Variants in GRID1 observed in about 807,000 individuals in gnomAD.
The protein encoded by GRID1 is glutamate ionotropic receptor delta type subunit 1.
Under a neutral mutation model 98.0 loss-of-function variants are expected in GRID1, and 28 were observed. The observed-to-expected ratio is 0.29, with a 90% confidence interval of 0.21 to 0.39. The LOEUF (loss-of-function observed/expected upper bound fraction) is 0.39. Among genes scored for constraint, GRID1 ranks in the 10% least tolerant of loss-of-function variants. The pLI, the probability that GRID1 is intolerant of heterozygous loss-of-function variation, is 1.00. For missense variants in GRID1, 1,111 were observed against 1,340.5 expected, an observed-to-expected ratio of 0.83 and a Z score of 2.67; for synonymous variants, 553 against 538.5, an observed-to-expected ratio of 1.03 and a Z score of -0.37.
chr10:85,692,351 A>G (rs1035598772), intron 12 of GRID1, among the ~76,000 whole-genome samples: 1 of 152,160 alleles, frequency 6.6e-6, no homozygotes, highest in Non-Finnish European at 1.5e-5. Context: ...ATTCAATTAA[A>G]TAAGTTCAGT....
Position 86,203,469 on chromosome 10 carries a change from T to A in GRID1, c.520+2895A>T, listed in dbSNP as rs1225025852. ...CCTTGGCTCACTTGACACAAGCATGTTGGAAATGGGCAGCAGCTGGGCTGG... is the reference window on the plus strand; with the variant it reads ...CCTTGGCTCACTTGACACAAGCATGATGGAAATGGGCAGCAGCTGGGCTGG... On this transcript the variant is annotated intron_variant, in intron 3 of 15. Transcript: ENST00000327946. Among the ~76,000 whole-genome samples, 3 of 149,994 alleles carry A rather than the reference T, an allele frequency of 2.0e-5. No individual in the cohort carries two copies. In the Admixed American group the frequency reaches 2.0e-4, roughly 10 times the overall value.
intron 4 of GRID1, among the ~76,000 whole-genome samples, chr10:86,077,954 G>C (rs969128298): frequency 6.6e-6 from 1 of 152,252 alleles, no homozygotes; most frequent in Admixed American, 6.5e-5. Flanking sequence ...AGGCTCACTG[G>C]GAAGGATCCT....
At chr10:86,355,699 G>C (rs1239991764) in intron 2 of GRID1, among the ~76,000 whole-genome samples, 1 of 152,286 alleles carries the variant, frequency 6.6e-6, no homozygotes, top group Non-Finnish European at 1.5e-5. Context: ...TACAGGCTGG[G>C]AGGAAGGGCT....
chr10:85,905,312 TCATTTTCAGACATACAAAAGCGGCAAG>T (rs1235208247), intron 5 of GRID1, among the ~76,000 whole-genome samples: 1 of 151,720 alleles, frequency 6.6e-6, no homozygotes, highest in African/African-American at 2.4e-5. Context: ...TGAAATGAAG[TCATTTTCAGACATACAAAAGCGGCAAG>T]CATTCACCAC....
intron 3 of GRID1, among the ~76,000 whole-genome samples, chr10:86,141,081 C>T (rs1396311655): frequency 1.3e-5 from 2 of 151,946 alleles, no homozygotes; most frequent in African/African-American, 2.4e-5. Context: ...TGTTGCTCTG[C>T]CCACTGTGTC....
At chr10:86,098,583 AT>A (rs1243004318) in intron 4 of GRID1, among the ~76,000 whole-genome samples, 5 of 152,220 alleles carry the variant, frequency 3.3e-5, no homozygotes, top group African/African-American at 1.2e-4. Flanking sequence ...AGGTACAAAC[AT>A]TTTTATAGTT....
At chr10:85,937,272 A>G (rs1301558014) in intron 4 of GRID1, among the ~76,000 whole-genome samples, 1 of 152,242 alleles carries the variant, frequency 6.6e-6, no homozygotes, top group East Asian at 1.9e-4. Context: ...AAGATGTGAA[A>G]ACTTCCCAGT....
At chr10:86,056,427 G>T (rs1843573607) in intron 4 of GRID1, among the ~76,000 whole-genome samples, 1 of 152,206 alleles carries the variant, frequency 6.6e-6, no homozygotes, top group African/African-American at 2.4e-5. Context: ...AGGAAGAATT[G>T]TCCTTCAAGA....
At chr10:85,758,925 T>C (rs955400349) in intron 8 of GRID1, among the ~76,000 whole-genome samples, 3 of 152,214 alleles carry the variant, frequency 2.0e-5, no homozygotes, top group African/African-American at 7.2e-5. Flanking sequence ...GACAAGCTGC[T>C]TAACCCCTGT....
intron 11 of GRID1, 98 bp from the exon 12 acceptor site, chr10:85,723,239 A>C (rs1438883212): frequency 8.2e-7 from 1 of 1,213,278 alleles, no homozygotes; most frequent in Non-Finnish European, 1.1e-6. Flanking sequence ...ACAGGCCATC[A>C]CTCGTGATGG....
intron 3 of GRID1, among the ~76,000 whole-genome samples, chr10:86,186,691 C>T (rs1487677370): frequency 6.6e-6 from 1 of 152,142 alleles, no homozygotes; most frequent in Non-Finnish European, 1.5e-5. Flanking sequence ...TCCATGGGGC[C>T]AGTTTTTTTT....
intron 2 of GRID1, among the ~76,000 whole-genome samples, chr10:86,295,192 T>C (rs905535615): frequency 1.3e-5 from 2 of 152,074 alleles, no homozygotes; most frequent in Non-Finnish European, 1.5e-5. Context: ...CAGAGGACAG[T>C]AGCTGCAGAG....
At chr10:85,649,465 C>T (rs890015349) in intron 12 of GRID1, among the ~76,000 whole-genome samples, 1 of 151,910 alleles carries the variant, frequency 6.6e-6, no homozygotes, top group Non-Finnish European at 1.5e-5. Flanking sequence ...CCGTAATTTG[C>T]CTGTAATGAA....
chr10:85,906,520 T>C (rs1841463424), intron 5 of GRID1, among the ~76,000 whole-genome samples: 1 of 152,152 alleles, frequency 6.6e-6, no homozygotes, highest in African/African-American at 2.4e-5. Context: ...GTCTCAATAA[T>C]TTTAAAAGGA....
intron 4 of GRID1, among the ~76,000 whole-genome samples, chr10:85,981,231 T>C (rs920093978): frequency 4.6e-5 from 7 of 152,276 alleles, no homozygotes; most frequent in African/African-American, 1.4e-4. Context: ...CCATAGCAGG[T>C]CTAACCCACA....
chr10:85,943,347 C>T lies in GRID1; in HGVS notation c.727-27108G>A, dbSNP rs1170300333. ...TGCCATATTTTTTAAAACTATATGC[C>T]AAACAGATTAAAGCTCTAAATGGAA... On this transcript the variant is annotated intron_variant, in intron 4 of 15. Transcript: ENST00000327946. Among the ~76,000 whole-genome samples, 3 of 151,870 alleles carry T rather than the reference C, an allele frequency of 2.0e-5. No individual in the cohort carries two copies. The East Asian group carries it at 5.8e-4, about 29-fold the overall frequency.
intron 8 of GRID1, among the ~76,000 whole-genome samples, chr10:85,780,781 T>C (rs1842374456): frequency 6.6e-6 from 1 of 152,230 alleles, no homozygotes; most frequent in South Asian, 2.1e-4. Context: ...TCAATATCAA[T>C]GCTTAATCAT....
At chr10:85,782,669 G>A (rs528108634) in intron 8 of GRID1, among the ~76,000 whole-genome samples, 1 of 152,384 alleles carries the variant, frequency 6.6e-6, no homozygotes, top group Non-Finnish European at 1.5e-5. Context: ...ATTCTGGGCT[G>A]AGGGAGCAGC....
At chr10:86,235,508 T>G (rs192483673) in intron 2 of GRID1, among the ~76,000 whole-genome samples, 41 of 152,350 alleles carry the variant, frequency 2.7e-4, no homozygotes, top group Admixed American at 2.5e-3. Flanking sequence ...AATATTTCCA[T>G]ACACCCCAAA....
Sources: allele counts gnomAD v4.1 joint callset (sites outside exome capture counted in the v4.1 genomes callset), GRCh38; gene constraint gnomAD v4.1.1; transcripts MANE v1.5; gene names NCBI Gene and HGNC (gene_info 2026-07-23, HGNC 2026-07-21).